The following NUMB variants were observed in gnomAD, a reference collection of about 807,000 sequenced individuals.
NUMB encodes protein numb homolog.
A neutral mutation model predicts 59.7 loss-of-function variants in NUMB; 29 were observed. The observed-to-expected ratio is 0.49, with a 90% CI of 0.36 to 0.66. The LOEUF (loss-of-function observed/expected upper bound fraction) is 0.66, where lower values mean the gene tolerates loss of function less well. Among genes scored for constraint, NUMB ranks in the 30% least tolerant of loss-of-function variants. The pLI, the probability that NUMB is intolerant of heterozygous loss-of-function variation, is 0.00. For synonymous variants in NUMB, 288 were observed against 288.2 expected, an observed-to-expected ratio of 1.00 and a Z score of 0.01; for missense variants, 723 against 822.0, an observed-to-expected ratio of 0.88 and a Z score of 1.47.
chr14:73,375,307 TA>T (rs1352559745), intron 2 of NUMB, among the ~76,000 whole-genome samples: 1 of 152,210 alleles, frequency 6.6e-6, no homozygotes, highest in East Asian at 1.9e-4. Context: ...TTAAGAGACT[TA>T]TGTTTATTAC....
intron 1 of NUMB, among the ~76,000 whole-genome samples, chr14:73,451,665 G>C (rs998431986): frequency 2.6e-5 from 4 of 152,124 alleles, no homozygotes; most frequent in Non-Finnish European, 5.9e-5. Context: ...AAATGTACCT[G>C]AGATGTACAT....
intron 2 of NUMB, among the ~76,000 whole-genome samples, chr14:73,387,046 A>G (rs960405158): frequency 6.7e-6 from 1 of 150,284 alleles, no homozygotes; most frequent in Non-Finnish European, 1.5e-5. Flanking sequence ...ACGCCCGGCT[A>G]ATTTTTTTTG....
rs114868381 is a variant in NUMB at position 73,388,224 on chromosome 14, T to C, written c.-100-21243A>G. On this transcript the variant is annotated intron_variant, in intron 2 of 12. Transcript: ENST00000555238. ...TGAACATTTTCGTTTCAGAAAGTTC[T>C]GGGCCAGGCATGAGCTCTTTCCACT... Among the ~76,000 whole-genome samples, 1,333 of 152,334 alleles carry C rather than the reference T, an allele frequency of 8.8e-3. 24 individuals carry two copies. Among genetic ancestry groups the C allele is most frequent in the African/African-American group, 0.031 (1,283 of 41,578 alleles).
chr14:73,395,495 C>T (rs1896089818), intron 2 of NUMB, among the ~76,000 whole-genome samples: 1 of 151,946 alleles, frequency 6.6e-6, no homozygotes, highest in Admixed American at 6.6e-5. Context: ...GTGGTGTGTC[C>T]CTATAGTCCT....
intron 2 of NUMB, among the ~76,000 whole-genome samples, chr14:73,370,129 G>C (rs563490041): frequency 1.6e-4 from 24 of 152,116 alleles, no homozygotes; most frequent in Non-Finnish European, 1.6e-4. Context: ...TGGTAGTGGG[G>C]GGGGTGGGAC....
At chr14:73,326,662 A>G (rs1329556667) in intron 4 of NUMB, among the ~76,000 whole-genome samples, 1 of 151,916 alleles carries the variant, frequency 6.6e-6, no homozygotes, top group Non-Finnish European at 1.5e-5. Context: ...AGAAAACTGA[A>G]CTGATATTGG....
intron 4 of NUMB, among the ~76,000 whole-genome samples, chr14:73,351,783 T>C (rs1331784462): frequency 6.6e-6 from 1 of 151,972 alleles, no homozygotes; most frequent in Admixed American, 6.6e-5. Context: ...GAGACCATCC[T>C]GGCTAACATG....
chr14:73,406,429 C>A (rs1031593322), intron 2 of NUMB, among the ~76,000 whole-genome samples: 3 of 151,888 alleles, frequency 2.0e-5, no homozygotes, highest in African/African-American at 7.3e-5. Flanking sequence ...TGAACTCATC[C>A]TTTTTTATGG....
At chr14:73,385,765 G>A (rs932324758) in intron 2 of NUMB, among the ~76,000 whole-genome samples, 1 of 152,028 alleles carries the variant, frequency 6.6e-6, no homozygotes, top group Non-Finnish European at 1.5e-5. Flanking sequence ...GCCTCCCAAA[G>A]TGCTAGGATT....
intron 4 of NUMB, among the ~76,000 whole-genome samples, chr14:73,330,749 C>A (rs1056613303): frequency 2.0e-5 from 3 of 147,260 alleles, no homozygotes. Flanking sequence ...TTAGGGTTTT[C>A]CAGAGAGACA....
chr14:73,411,204 G>T (rs1275055140), intron 1 of NUMB, among the ~76,000 whole-genome samples: 1 of 146,676 alleles, frequency 6.8e-6, no homozygotes, highest in Non-Finnish European at 1.5e-5. Flanking sequence ...GCTAATTTTT[G>T]GGGGAAAGTA....
intron 3 of NUMB, among the ~76,000 whole-genome samples, chr14:73,364,597 C>A (rs1211123476): frequency 6.6e-6 from 1 of 152,066 alleles, no homozygotes; most frequent in African/African-American, 2.4e-5. Context: ...AAAATAAGTA[C>A]TTCCTTTAAA....
chr14:73,356,724 A>T (rs558634692), intron 3 of NUMB, among the ~76,000 whole-genome samples: 1 of 152,040 alleles, frequency 6.6e-6, no homozygotes, highest in Non-Finnish European at 1.5e-5. Context: ...AGACAGTCTC[A>T]CTCTGTCACT....
chr14:73,316,411 G>T lies in NUMB; in HGVS notation c.213C>A (p.Phe71Leu), dbSNP rs770726647. ...TTACTTTTCCAAAGAAGCCTTTGAAGAACTTCCTTTCCTGGAGGAACAGGG... is the reference window on the plus strand; with the variant it reads ...TTACTTTTCCAAAGAAGCCTTTGAATAACTTCCTTTCCTGGAGGAACAGGG... The part of the protein sequence containing the change: ...AVKRLKAERK[F>L]FKGFFGKTGK... The change falls in exon 6 of 13, where the codon TTC (phenylalanine) becomes TTA (leucine). Residue 71 changes from phenylalanine (F) to leucine (L), a missense_variant. Around this residue, in one of 2 missense-constraint regions of NUMB, gnomAD observed 317 missense variants for 436.6 expected, o/e 0.73. Transcript: ENST00000555238. The T allele has an allele frequency of 6.2e-6, 10 of 1,613,688 alleles. No homozygotes were observed. In the South Asian group the frequency reaches 6.6e-5, roughly 11 times the overall value.
intron 2 of NUMB, among the ~76,000 whole-genome samples, chr14:73,401,563 A>ATTTTTTTTTTTT (rs1164847403): frequency 9.1e-6 from 1 of 110,054 alleles, no homozygotes; most frequent in Non-Finnish European, 1.8e-5. Flanking sequence ...GTAAGACTAA[A>ATTTTTTTTTTTT]TTTTTTTTTT....
intron 5 of NUMB, among the ~76,000 whole-genome samples, chr14:73,318,347 A>C (rs1032024052): frequency 2.0e-5 from 3 of 152,240 alleles, no homozygotes; most frequent in Non-Finnish European, 4.4e-5. Flanking sequence ...AAGAATAATA[A>C]TGTTCTTTTA....
chr14:73,326,223 A>G (rs1398068826), intron 4 of NUMB, among the ~76,000 whole-genome samples: 1 of 152,206 alleles, frequency 6.6e-6, no homozygotes, highest in Non-Finnish European at 1.5e-5. Context: ...TTGACAGCTG[A>G]ACTAATATAC....
intron 1 of NUMB, among the ~76,000 whole-genome samples, chr14:73,456,045 C>A (rs1884345643): frequency 6.6e-6 from 1 of 151,310 alleles, no homozygotes. Flanking sequence ...TGTGACAAGA[C>A]AAACACAGGA....
chr14:73,372,305 T>TTTTATATATA (rs375615684), intron 2 of NUMB, among the ~76,000 whole-genome samples: 2 of 85,998 alleles, frequency 2.3e-5, no homozygotes, highest in African/African-American at 9.1e-5. Flanking sequence ...TATATTTCTT[T>TTTTATATATA]TATATATATA....
Sources: allele counts gnomAD v4.1 joint callset (sites outside exome capture counted in the v4.1 genomes callset), GRCh38; gene constraint gnomAD v4.1.1; regional missense constraint gnomAD v4.1.1; transcripts MANE v1.5; gene names NCBI Gene and HGNC (gene_info 2026-07-23, HGNC 2026-07-21).